Variants in DAB1 observed in about 807,000 individuals in gnomAD.
DAB1 encodes disabled homolog 1.
Under a neutral mutation model 64.6 loss-of-function variants are expected in DAB1, and 15 were observed. The observed-to-expected ratio is 0.23, with a 90% CI of 0.16 to 0.36. The LOEUF (loss-of-function observed/expected upper bound fraction) is 0.36. Ranked by LOEUF, DAB1 falls within the 10% of genes least tolerant of loss-of-function variation. DAB1 has a pLI of 1.00. For missense variants in DAB1, 596 were observed against 706.7 expected, an observed-to-expected ratio of 0.84 and a Z score of 1.78; for synonymous variants, 235 against 251.9, an observed-to-expected ratio of 0.93 and a Z score of 0.64.
intron 5 of DAB1, among the ~76,000 whole-genome samples, chr1:58,067,805 G>A (rs964512301): frequency 1.3e-5 from 2 of 152,164 alleles, no homozygotes; most frequent in African/African-American, 2.4e-5. Flanking sequence ...ACAATGAGTG[G>A]GGGGTAATGA....
At chr1:57,749,017 G>T (rs1206142562) in intron 6 of DAB1, among the ~76,000 whole-genome samples, 2 of 152,242 alleles carry the variant, frequency 1.3e-5, no homozygotes, top group Non-Finnish European at 2.9e-5. Flanking sequence ...GGGAGCTCTT[G>T]TGATTCAATT....
chr1:57,200,275 C>G (rs2100267015), intron 2 of DAB1, among the ~76,000 whole-genome samples: 1 of 152,266 alleles, frequency 6.6e-6, no homozygotes, highest in Non-Finnish European at 1.5e-5. Flanking sequence ...AGCATTCACT[C>G]AACATTGATT....
chr1:57,222,886 A>G (rs1468010272), intron 2 of DAB1, among the ~76,000 whole-genome samples: 1 of 152,196 alleles, frequency 6.6e-6, no homozygotes, highest in Admixed American at 6.5e-5. Context: ...TACAAAGTAA[A>G]TAATTTGCAC....
At chr1:57,915,506 A>C (rs1349883730) in intron 5 of DAB1, among the ~76,000 whole-genome samples, 1 of 152,130 alleles carries the variant, frequency 6.6e-6, no homozygotes, top group Non-Finnish European at 1.5e-5. Context: ...AGAGTTTGGC[A>C]GCTGGTAAGC....
chr1:57,061,252 T>G (rs1650371110), intron 9 of DAB1, among the ~76,000 whole-genome samples: 1 of 146,172 alleles, frequency 6.8e-6, no homozygotes, highest in African/African-American at 2.6e-5. Context: ...GGTTTCAAGA[T>G]CCTGGAAGAG....
At chr1:57,006,740 G>T in intron 14 of DAB1, among the ~76,000 whole-genome samples, 1 of 152,080 alleles carries the variant, frequency 6.6e-6, no homozygotes, top group East Asian at 1.9e-4. Flanking sequence ...TTATTTTAAG[G>T]GTCTGTTGTT....
intron 4 of DAB1, among the ~76,000 whole-genome samples, chr1:57,097,521 T>C (rs1654272592): frequency 6.6e-6 from 1 of 152,148 alleles, no homozygotes; most frequent in Non-Finnish European, 1.5e-5. Context: ...TGGCTATTAA[T>C]TGCAGGAGCT....
intron 5 of DAB1, among the ~76,000 whole-genome samples, chr1:58,059,764 G>A (rs1026579285): frequency 4.6e-5 from 7 of 152,190 alleles, no homozygotes; most frequent in African/African-American, 7.2e-5. Flanking sequence ...ACCTCATGGA[G>A]TAAGCACTCA....
intron 1 of DAB1, among the ~76,000 whole-genome samples, chr1:57,830,937 G>A (rs750331578): frequency 7.6e-4 from 115 of 152,188 alleles, no homozygotes; most frequent in Middle Eastern, 3.4e-3. Context: ...TTTTTGAGAT[G>A]GAGTCTCGCT....
chr1:57,016,713 T>C (rs935831966), intron 11 of DAB1, among the ~76,000 whole-genome samples: 3 of 152,138 alleles, frequency 2.0e-5, no homozygotes, highest in Non-Finnish European at 2.9e-5. Context: ...AATTGTTCAC[T>C]GTATTATTCT....
At chr1:58,139,769 T>C (rs932846224) in intron 5 of DAB1, among the ~76,000 whole-genome samples, 5 of 152,226 alleles carry the variant, frequency 3.3e-5, no homozygotes, top group African/African-American at 2.4e-5. Context: ...ACTTCCTAGA[T>C]GTGTGGCCTT....
At chr1:58,056,694 A>G (rs1003541485) in intron 5 of DAB1, among the ~76,000 whole-genome samples, 9 of 152,106 alleles carry the variant, frequency 5.9e-5, no homozygotes, top group Non-Finnish European at 8.8e-5. Flanking sequence ...CATGTGGACT[A>G]CACCATGGGC....
intron 4 of DAB1, among the ~76,000 whole-genome samples, chr1:58,305,690 C>A: frequency 6.6e-6 from 1 of 152,092 alleles, no homozygotes; most frequent in Non-Finnish European, 1.5e-5. Flanking sequence ...ATCATAATTA[C>A]CAAAAAAGTT....
chr1:58,160,157 C>T (rs1655449587), intron 4 of DAB1, among the ~76,000 whole-genome samples: 1 of 152,166 alleles, frequency 6.6e-6, no homozygotes. Context: ...ACTGTTCCCA[C>T]TACCCTAGGC....
intron 3 of DAB1, among the ~76,000 whole-genome samples, chr1:58,441,028 G>T (rs1233005033): frequency 3.3e-5 from 5 of 152,188 alleles, no homozygotes; most frequent in African/African-American, 9.7e-5. Flanking sequence ...CAAGGGAGTT[G>T]GGGCATTTAT....
intron 5 of DAB1, among the ~76,000 whole-genome samples, chr1:58,124,512 AC>A (rs1652945394): frequency 6.6e-6 from 1 of 152,162 alleles, no homozygotes; most frequent in Middle Eastern, 3.2e-3. Context: ...ACACTGATCT[AC>A]CTAAATAATA....
In DAB1 at chr1:57,390,435, C is replaced by T. The variant is rs570720327; in HGVS notation, c.-137+33495G>A. Among the ~76,000 whole-genome samples the T allele has an allele frequency of 4.6e-5, 7 of 152,292 alleles. No homozygotes were observed. The South Asian group carries it at 1.4e-3, about 32-fold the overall frequency. On this transcript the variant is annotated intron_variant, in intron 1 of 14. Transcript: ENST00000371236. Reference sequence around the variant, plus strand: ...AGGTGTCATTTCAATTCTAGCAGTTCTATTCAGACACCAAAATAATCACGA... The same window carrying T: ...AGGTGTCATTTCAATTCTAGCAGTTTTATTCAGACACCAAAATAATCACGA...
At chr1:57,597,067 C>A (rs2101579438) in intron 7 of DAB1, among the ~76,000 whole-genome samples, 1 of 152,304 alleles carries the variant, frequency 6.6e-6, no homozygotes, top group South Asian at 2.1e-4. Flanking sequence ...AAATTCACAT[C>A]ATTCGCACCA....
chr1:57,515,587 T>G (rs895675413), intron 7 of DAB1, among the ~76,000 whole-genome samples: 7 of 152,236 alleles, frequency 4.6e-5, no homozygotes, highest in African/African-American at 1.7e-4. Context: ...AGTCCTCTTC[T>G]TCCAGAAGGT....
Sources: gnomAD v4.1 joint callset for allele counts (sites outside exome capture counted in the v4.1 genomes callset) on GRCh38, gnomAD v4.1.1 for gene constraint, MANE v1.5 for transcripts, NCBI Gene and HGNC (gene_info 2026-07-23, HGNC 2026-07-21) for gene names.